GRM5: variants seen among roughly 807,000 people sequenced by gnomAD.
The protein encoded by GRM5 is glutamate metabotropic receptor 5, also known as metabotropic glutamate receptor 5.
In GRM5, 19 loss-of-function variants were observed where a neutral mutation model predicts 83.1. The observed-to-expected ratio is 0.23, with a 90% CI of 0.16 to 0.34. The LOEUF (loss-of-function observed/expected upper bound fraction) is 0.34, where lower values mean the gene tolerates loss of function less well. GRM5 is among the 10% of genes least tolerant of loss of function. The pLI is 1.00. For missense variants in GRM5, 1,160 were observed against 1,588.3 expected, an observed-to-expected ratio of 0.73 and a Z score of 4.58; for synonymous variants, 675 against 633.6, an observed-to-expected ratio of 1.07 and a Z score of -0.98.
In GRM5 at chr11:88,653,212, T is replaced by C. The variant is rs976959148; in HGVS notation, c.1103A>G (p.Glu368Gly). The C allele has an allele frequency of 6.2e-7, 1 of 1,612,714 alleles. No homozygotes were observed. Among genetic ancestry groups the C allele is most frequent in the Admixed American group, 1.7e-5 (1 of 59,896 alleles). Residue 368 changes from glutamate (E) to glycine (G), a missense_variant, in exon 4 of 10, where the codon GAA (glutamate) becomes GGA (glycine). Around this residue, in one of 9 missense-constraint regions of GRM5, gnomAD observed 132 missense variants for 197.6 expected, o/e 0.67. Transcript: ENST00000305447. ...FWQHRFQCRL[E>G]GFPQENSKYN... ...TTTGCTGTTCTCCTGTGGAAACCCT[T>C]CCAGTCGGCACTGAAAACGATGCTG...
chr11:88,585,713 T>C (rs1943299862), intron 7 of GRM5, among the ~76,000 whole-genome samples: 1 of 152,234 alleles, frequency 6.6e-6, no homozygotes, highest in Non-Finnish European at 1.5e-5. Flanking sequence ...CACACCATTC[T>C]GGCCTTCTCT....
chr11:88,666,173 G>A (rs968311663), intron 3 of GRM5, among the ~76,000 whole-genome samples: 2 of 152,026 alleles, frequency 1.3e-5, no homozygotes, highest in African/African-American at 4.8e-5. Context: ...ATACTGAATT[G>A]AAGAAAAAAA....
chr11:88,981,184 C>T (rs572443), intron 2 of GRM5, among the ~76,000 whole-genome samples: 2 of 152,092 alleles, frequency 1.3e-5, no homozygotes, highest in Non-Finnish European at 2.9e-5. Flanking sequence ...AATATATGCA[C>T]GTGTTTGTTC....
chr11:88,649,592 A>G (rs2135301003), intron 4 of GRM5, among the ~76,000 whole-genome samples: 1 of 150,038 alleles, frequency 6.7e-6, no homozygotes, highest in East Asian at 1.9e-4. Context: ...ATGATGGCTA[A>G]CTTCTCAATG....
At chr11:88,987,196 G>A (rs1431436777) in intron 2 of GRM5, among the ~76,000 whole-genome samples, 2 of 152,130 alleles carry the variant, frequency 1.3e-5, no homozygotes, top group African/African-American at 2.4e-5. Context: ...GCCTCACTCG[G>A]GAAGTGCAAG....
At chr11:88,854,841 T>C (rs1944445404) in intron 2 of GRM5, among the ~76,000 whole-genome samples, 2 of 151,990 alleles carry the variant, frequency 1.3e-5, no homozygotes, top group African/African-American at 4.8e-5. Flanking sequence ...AGGAAAAATG[T>C]TTTATTTGAA....
chr11:88,594,518 T>G (rs1937747237), intron 6 of GRM5, among the ~76,000 whole-genome samples: 1 of 152,308 alleles, frequency 6.6e-6, no homozygotes, highest in South Asian at 2.1e-4. Flanking sequence ...CAAAGACAGG[T>G]AGTAGGTCAG....
At chr11:88,906,756 C>T (rs1474656231) in intron 2 of GRM5, among the ~76,000 whole-genome samples, 1 of 152,102 alleles carries the variant, frequency 6.6e-6, no homozygotes, top group Admixed American at 6.6e-5. Flanking sequence ...CTTAATCTTA[C>T]TAACATCATA....
intron 2 of GRM5, among the ~76,000 whole-genome samples, chr11:88,915,361 G>C (rs534431026): frequency 7.9e-4 from 120 of 152,078 alleles, no homozygotes; most frequent in Middle Eastern, 3.4e-3. Flanking sequence ...TTTTTTTAAT[G>C]TGCGGCATAA....
At chr11:88,666,618 C>A (rs181298574) in intron 3 of GRM5, among the ~76,000 whole-genome samples, 47 of 152,174 alleles carry the variant, frequency 3.1e-4, no homozygotes, top group Non-Finnish European at 4.9e-4. Flanking sequence ...AACAAACAAA[C>A]CATTGCAGAT....
chr11:88,796,908 G>A (rs1246736188), intron 3 of GRM5, among the ~76,000 whole-genome samples: 2 of 15,546 alleles, frequency 1.3e-4, no homozygotes, highest in South Asian at 2.0e-3. Flanking sequence ...ACGTGTGTGT[G>A]TGTGTGTGTG....
chr11:88,744,384 T>C (rs1250243158), intron 3 of GRM5, among the ~76,000 whole-genome samples: 1 of 152,200 alleles, frequency 6.6e-6, no homozygotes, highest in Non-Finnish European at 1.5e-5. Flanking sequence ...TAAGTAGATA[T>C]TCAGCAGTCA....
chr11:88,601,670 T>G (rs892613234), intron 5 of GRM5, among the ~76,000 whole-genome samples: 14 of 152,314 alleles, frequency 9.2e-5, no homozygotes, highest in Admixed American at 3.9e-4. Flanking sequence ...TTTGCTTTAA[T>G]TAGTTAGTTG....
At chr11:88,744,342 A>C (rs1022820870) in intron 3 of GRM5, among the ~76,000 whole-genome samples, 1 of 152,166 alleles carries the variant, frequency 6.6e-6, no homozygotes, top group Non-Finnish European at 1.5e-5. Flanking sequence ...CTGTGCAGCA[A>C]ACCATTATTT....
chr11:88,751,598 C>A (rs971928015), intron 3 of GRM5, among the ~76,000 whole-genome samples: 1 of 152,114 alleles, frequency 6.6e-6, no homozygotes, highest in African/African-American at 2.4e-5. Flanking sequence ...CCCGTTAAGT[C>A]ATTCTATGAG....
At chr11:88,850,400 T>A (rs1264089030) in intron 2 of GRM5, among the ~76,000 whole-genome samples, 1 of 152,172 alleles carries the variant, frequency 6.6e-6, no homozygotes, top group African/African-American at 2.4e-5. Flanking sequence ...ATATAAAAAG[T>A]GTAAGCAATT....
At chr11:88,852,617 CA>C (rs1944406176) in intron 2 of GRM5, among the ~76,000 whole-genome samples, 1 of 151,982 alleles carries the variant, frequency 6.6e-6, no homozygotes. Flanking sequence ...TTAAAAAAGG[CA>C]GGGGGTATAT....
chr11:88,703,833 G>A (rs1242829773), intron 3 of GRM5, among the ~76,000 whole-genome samples: 1 of 152,024 alleles, frequency 6.6e-6, no homozygotes. Flanking sequence ...ATATGCTAAG[G>A]TCCTAATAAA....
chr11:88,679,124 CA>C (rs1189977034), intron 3 of GRM5, among the ~76,000 whole-genome samples: 1 of 152,086 alleles, frequency 6.6e-6, no homozygotes, highest in Admixed American at 6.6e-5. Context: ...TGAAAAATTA[CA>C]GAACAGAGGC....
Sources: gnomAD v4.1 joint callset for allele counts (sites outside exome capture counted in the v4.1 genomes callset) on GRCh38, gnomAD v4.1.1 for gene constraint, gnomAD v4.1.1 regional missense constraint, MANE v1.5 for transcripts, NCBI Gene and HGNC (gene_info 2026-07-23, HGNC 2026-07-21) for gene names.